TRERF1: variants seen among roughly 807,000 people sequenced by gnomAD.
TRERF1 encodes transcriptional-regulating factor 1.
TRERF1 carries 27 observed loss-of-function variants against 122.9 expected under a neutral mutation model. That is an observed-to-expected ratio of 0.22 (90% CI 0.16 to 0.30). The LOEUF is 0.30. Ranked by LOEUF, TRERF1 falls within the 10% of genes least tolerant of loss-of-function variation. The pLI is 1.00. For missense variants in TRERF1, 1,248 were observed against 1,560.3 expected, an observed-to-expected ratio of 0.80 and a Z score of 3.37; for synonymous variants, 636 against 641.7, an observed-to-expected ratio of 0.99 and a Z score of 0.13.
At chr6:42,238,027 A>G (rs1772665119) in intron 15 of TRERF1, among the ~76,000 whole-genome samples, 2 of 152,212 alleles carry the variant, frequency 1.3e-5, no homozygotes, top group Admixed American at 6.5e-5. Context: ...GTGGTTTATG[A>G]TCTAAGCAGC....
intron 2 of TRERF1, among the ~76,000 whole-genome samples, chr6:42,412,155 C>T (rs1286053876): frequency 6.6e-6 from 1 of 152,002 alleles, no homozygotes; most frequent in Non-Finnish European, 1.5e-5. Flanking sequence ...CATGCGCCAC[C>T]ATGCCTGGCT....
chr6:42,303,887 A>AGG (rs1172799289), intron 3 of TRERF1, among the ~76,000 whole-genome samples: 1 of 128,198 alleles, frequency 7.8e-6, no homozygotes, highest in Non-Finnish European at 1.6e-5. Context: ...TGGGTGACAG[A>AGG]GGGAGACACT....
intron 2 of TRERF1, among the ~76,000 whole-genome samples, chr6:42,448,443 T>C (rs1787914364): frequency 6.6e-6 from 1 of 152,222 alleles, no homozygotes; most frequent in South Asian, 2.1e-4. Flanking sequence ...TTCCTTGTGT[T>C]TGATGGTCAA....
rs1779541714 is a variant in TRERF1, at chr6:42,268,163, C to T, written c.1428G>A (p.Met476Ile). 1 of 1,450,440 alleles carries T rather than the reference C, an allele frequency of 6.9e-7. No homozygotes were observed. Among genetic ancestry groups the T allele is most frequent in the Admixed American group, 2.6e-5 (1 of 38,548 alleles). 89.8% of individuals were successfully genotyped at this position (1,450,440 alleles called of 1,614,324 possible). A position where few individuals can be genotyped will look rare whatever the true frequency, so the allele number is the denominator to read the frequency against. ...TCCAATGGGAGAATACCTGGGGCCA[C>T]ATGGCACTGGGAGACAGCTGCTGAT... Residue 476 changes from methionine to isoleucine, a missense_variant, in exon 5 of 18, where the codon ATG (methionine) becomes ATA (isoleucine). This residue lies in a region of TRERF1 where 946 missense variants were observed against 1,073.0 expected (regional missense o/e 0.88). Transcript: ENST00000372922. This position sits in a 1 kb window ranked among gnomAD's most constrained non-coding sequence, Gnocchi z 4.4.
intron 15 of TRERF1, among the ~76,000 whole-genome samples, chr6:42,238,846 C>T (rs567123355): frequency 1.9e-4 from 28 of 147,192 alleles, no homozygotes; most frequent in Non-Finnish European, 2.0e-4. Flanking sequence ...CACACACACA[C>T]ACACACACAC....
chr6:42,281,526 G>A (rs1470918251), intron 4 of TRERF1, among the ~76,000 whole-genome samples: 1 of 152,120 alleles, frequency 6.6e-6, no homozygotes, highest in African/African-American at 2.4e-5. Flanking sequence ...TTCACTCAAT[G>A]TTTATGGAAC....
chr6:42,375,450 C>T (rs1158904577), intron 2 of TRERF1, among the ~76,000 whole-genome samples: 5 of 152,230 alleles, frequency 3.3e-5, no homozygotes, highest in Non-Finnish European at 7.3e-5. Context: ...CTGAGGCTGA[C>T]AGCTGTCTCG....
intron 16 of TRERF1, among the ~76,000 whole-genome samples, chr6:42,235,911 T>C: frequency 6.6e-6 from 1 of 152,096 alleles, no homozygotes; most frequent in East Asian, 1.9e-4. Flanking sequence ...CTCCAGGAAA[T>C]GTGGAATGTA....
chr6:42,308,591 T>C (rs1211238585), intron 3 of TRERF1, among the ~76,000 whole-genome samples: 2 of 152,354 alleles, frequency 1.3e-5, no homozygotes, highest in Admixed American at 1.3e-4. Context: ...TACTTTAAAA[T>C]GGCCGTGCAG....
At chr6:42,416,222 C>A (rs911765660) in intron 2 of TRERF1, among the ~76,000 whole-genome samples, 2 of 152,006 alleles carry the variant, frequency 1.3e-5, no homozygotes, top group African/African-American at 4.8e-5. Flanking sequence ...AGGTTTTATA[C>A]CTCTTATCTA....
At chr6:42,255,161 G>A (rs888525017) in intron 12 of TRERF1, among the ~76,000 whole-genome samples, 1 of 152,174 alleles carries the variant, frequency 6.6e-6, no homozygotes, top group African/African-American at 2.4e-5. Flanking sequence ...CATGTCACAG[G>A]AAAACAGAAC....
chr6:42,302,508 C>T (rs1253087308), intron 3 of TRERF1, among the ~76,000 whole-genome samples: 1 of 152,218 alleles, frequency 6.6e-6, no homozygotes, highest in African/African-American at 2.4e-5. Flanking sequence ...CACACATACA[C>T]TCTCAACTCC....
intron 14 of TRERF1, among the ~76,000 whole-genome samples, chr6:42,245,557 T>C (rs930270173): frequency 6.6e-6 from 1 of 152,274 alleles, no homozygotes; most frequent in Non-Finnish European, 1.5e-5. Context: ...ACTCTTTGAA[T>C]GATTTTAATT....
chr6:42,406,202 C>T (rs1320632644), intron 2 of TRERF1, among the ~76,000 whole-genome samples: 2 of 152,188 alleles, frequency 1.3e-5, no homozygotes, highest in Non-Finnish European at 2.9e-5. Flanking sequence ...TGGGACCTGG[C>T]CCCAGGTGAC....
intron 3 of TRERF1, among the ~76,000 whole-genome samples, chr6:42,308,025 A>G (rs1277931037): frequency 6.6e-6 from 1 of 152,246 alleles, no homozygotes; most frequent in Non-Finnish European, 1.5e-5. Context: ...AGGGATGGAA[A>G]ATGGTGTAGC....
intron 3 of TRERF1, among the ~76,000 whole-genome samples, chr6:42,322,266 A>C (rs966591775): frequency 3.9e-5 from 6 of 152,166 alleles, no homozygotes; most frequent in African/African-American, 1.4e-4. Context: ...GTTATCTATC[A>C]TAACAGAAAG....
intron 2 of TRERF1, among the ~76,000 whole-genome samples, chr6:42,364,972 C>T (rs1469502358): frequency 6.6e-6 from 1 of 152,102 alleles, no homozygotes. Context: ...GTCTCTTTCT[C>T]TGAGTGCAAG....
chr6:42,423,983 T>A (rs1317884645), intron 2 of TRERF1, among the ~76,000 whole-genome samples: 1 of 152,276 alleles, frequency 6.6e-6, no homozygotes, highest in Non-Finnish European at 1.5e-5. Context: ...GATATGCTGT[T>A]TGGAATATTC....
At chr6:42,247,060 T>C (rs1774932769) in intron 13 of TRERF1, among the ~76,000 whole-genome samples, 1 of 152,156 alleles carries the variant, frequency 6.6e-6, no homozygotes, top group Admixed American at 6.5e-5. Context: ...GTGGTAATTG[T>C]AATTATTCAG....
Sources: gnomAD v4.1 joint callset for allele counts (sites outside exome capture counted in the v4.1 genomes callset) on GRCh38, gnomAD v4.1.1 for gene constraint, gnomAD v4.1.1 regional missense constraint, Gnocchi (gnomAD v3.1) non-coding constraint, MANE v1.5 for transcripts, NCBI Gene and HGNC (gene_info 2026-07-23, HGNC 2026-07-21) for gene names.